The following USP24 variants were observed in gnomAD, a reference collection of about 807,000 sequenced individuals.
USP24 encodes ubiquitin specific peptidase 24, also known as ubiquitin carboxyl-terminal hydrolase 24.
USP24 carries 97 observed loss-of-function variants against 361.6 expected under a neutral mutation model. The ratio of observed to expected loss-of-function variants is 0.27; its 90% CI spans 0.23 to 0.32. USP24 has a LOEUF of 0.32. Among genes scored for constraint, USP24 ranks in the 10% least tolerant of loss-of-function variants. USP24 has a pLI of 1.00. For missense variants in USP24, 2,353 were observed against 3,165.6 expected (o/e 0.74, Z 6.16); for synonymous variants, 1,098 against 1,124.6 (o/e 0.98, Z 0.47).
intron 62 of USP24, among the ~76,000 whole-genome samples, chr1:55,075,734 A>C (rs1645016973): frequency 6.6e-6 from 1 of 152,158 alleles, no homozygotes; most frequent in Non-Finnish European, 1.5e-5. Context: ...TGCAAGGCCA[A>C]GGCAGGAGGA....
chr1:55,202,596 A>T (rs2454216), intron 1 of USP24, among the ~76,000 whole-genome samples: 1 of 152,138 alleles, frequency 6.6e-6, no homozygotes. Flanking sequence ...GTAGAGACGG[A>T]GTTTCACCCT....
At chr1:55,139,590 CT>C (rs1344418821) in intron 24 of USP24, among the ~76,000 whole-genome samples, 2 of 152,162 alleles carry the variant, frequency 1.3e-5, no homozygotes, top group East Asian at 3.8e-4. Flanking sequence ...TAGCCCCATA[CT>C]TTACTAAAAA....
chr1:55,156,366 C>T (rs1050388247), intron 12 of USP24, among the ~76,000 whole-genome samples: 5 of 150,542 alleles, frequency 3.3e-5, no homozygotes, highest in African/African-American at 1.2e-4. Flanking sequence ...GAGAAAAGGG[C>T]TAAGAACTAA....
rs942767026 is a variant in USP24 at position 55,094,040 on chromosome 1, G to A, written c.6251C>T (p.Pro2084Leu). Reference protein sequence around the residue: ...PEISPQSSPRPHRPNNDRLSI... With the variant: ...PEISPQSSPRLHRPNNDRLSI... ...CAGCCGGTCATTGTTCGGCCTATGGGGCCGAGGGGATGACTGAGGTGAAAT... is the reference window on the plus strand; with the variant it reads ...CAGCCGGTCATTGTTCGGCCTATGGAGCCGAGGGGATGACTGAGGTGAAAT... Residue 2084 changes from proline to leucine, a missense_variant, in exon 52 of 68, where the codon CCC becomes CTC. Coordinates refer to ENST00000294383, the MANE Select transcript of USP24 (RefSeq NM_015306.3). The A allele has an allele frequency of 6.2e-7, 1 of 1,613,764 alleles. No individual in the cohort carries two copies. The highest frequency in any genetic ancestry group is 1.7e-5 in the Admixed American group (1 of 59,998).
rs956065590 is a variant in USP24 at position 55,066,480 on chromosome 1, G to C, written c.*2565C>G. On this transcript the variant is annotated 3_prime_UTR_variant, in exon 68 of 68. Coordinates refer to ENST00000294383, the MANE Select transcript of USP24 (RefSeq NM_015306.3). ...CTTCCTTTTGAAATTTTATAAACAA[G>C]ATTTTATACACAAGAGGTAGCAGAG... 1 of 152,142 alleles carries C rather than the reference G, an allele frequency of 6.6e-6. No individual in the cohort carries two copies. Among genetic ancestry groups the C allele is most frequent in the Non-Finnish European group, 1.5e-5 (1 of 68,040 alleles). 9.4% of individuals were successfully genotyped at this position (152,142 alleles called of 1,614,324 possible).
intron 31 of USP24, among the ~76,000 whole-genome samples, chr1:55,130,873 CT>C (rs1646571966): frequency 6.6e-6 from 1 of 152,016 alleles, no homozygotes; most frequent in African/African-American, 2.4e-5. Context: ...AAAATAAAAG[CT>C]TTTGGGAGTG....
chr1:55,101,471 G>T (rs1050677454), intron 43 of USP24, 113 bp downstream of exon 43: 5 of 1,420,496 alleles, frequency 3.5e-6, no homozygotes, highest in South Asian at 1.3e-5. Flanking sequence ...CTAAAGAATT[G>T]CAAGTTATGT....
rs769807862 is a variant in USP24, at chr1:55,162,184, A to T, written c.993+15T>A. 1.3e-6 allele frequency: 2 copies of T among 1,579,834 alleles called. No individual in the cohort carries two copies. Among genetic ancestry groups the T allele is most frequent in the South Asian group, 2.4e-5 (2 of 83,032 alleles). ...CTTCAATCATATGAAGTAATGTGAA[A>T]TGGTTTAATCCTACCTGTACCACGG... On this transcript the variant is annotated intron_variant, in intron 8 of 67. Coordinates refer to ENST00000294383, the MANE Select transcript of USP24 (RefSeq NM_015306.3).
chr1:55,191,420 T>C (rs1035221900), intron 1 of USP24, among the ~76,000 whole-genome samples: 2 of 152,134 alleles, frequency 1.3e-5, no homozygotes, highest in African/African-American at 4.8e-5. Context: ...GTTATGATTA[T>C]GACTTCATCT....
At chr1:55,168,197 T>C (rs1649077873) in intron 5 of USP24, among the ~76,000 whole-genome samples, 1 of 152,060 alleles carries the variant, frequency 6.6e-6, no homozygotes, top group Non-Finnish European at 1.5e-5. Context: ...TCAGTGCTGT[T>C]GATGGGGGTC....
At chr1:55,071,202 A>AGAG (rs1198093144) in intron 67 of USP24, 1 of 986,956 alleles carries the variant, frequency 1.0e-6, no homozygotes, top group Non-Finnish European at 1.2e-6. Context: ...AAGGGACCAC[A>AGAG]GAGGAGACTG....
chr1:55,166,808 T>C (rs996402682), intron 5 of USP24, among the ~76,000 whole-genome samples: 3 of 152,210 alleles, frequency 2.0e-5, no homozygotes, highest in Non-Finnish European at 4.4e-5. Flanking sequence ...TGTATTTTGA[T>C]GGAACTGCCA....
At position 55,129,121 on chromosome 1, in the gene USP24, T is replaced by A. The variant is rs1570482764; in HGVS notation, c.3635+356A>T. Among the ~76,000 whole-genome samples the A allele has an allele frequency of 3.9e-5, 6 of 152,274 alleles. No homozygotes were observed. In the South Asian group the frequency reaches 1.2e-3, roughly 32 times the overall value. ...AGATAATATCTAATTTATCTTTGCATCCCCAGCACTAATACCTTGCACAAT... is the reference window on the plus strand; with the variant it reads ...AGATAATATCTAATTTATCTTTGCAACCCCAGCACTAATACCTTGCACAAT... On this transcript the variant is annotated intron_variant, in intron 32 of 67. Coordinates refer to ENST00000294383, the MANE Select transcript of USP24 (RefSeq NM_015306.3).
At chr1:55,193,461 T>C (rs973149616) in intron 1 of USP24, among the ~76,000 whole-genome samples, 1 of 152,186 alleles carries the variant, frequency 6.6e-6, no homozygotes, top group African/African-American at 2.4e-5. Flanking sequence ...GTAACCTTCA[T>C]TTAATATTTA....
chr1:55,096,820 T>C, intron 49 of USP24, 132 bp downstream of exon 49: 1 of 1,366,882 alleles, frequency 7.3e-7, no homozygotes, highest in African/African-American at 1.5e-5. Context: ...TGCACGAAGC[T>C]TTAAAACTTC....
intron 65 of USP24, 90 bp downstream of exon 65, chr1:55,072,696 T>A: frequency 1.6e-6 from 2 of 1,239,956 alleles, no homozygotes; most frequent in Non-Finnish European, 1.1e-6. Context: ...TTAAGGTCAG[T>A]CTCCATATTC....
Position 55,138,597 on chromosome 1 carries a change from T to A in USP24, c.2928+11A>T, listed in dbSNP as rs778990932. 9 of 1,588,024 alleles carry A rather than the reference T, an allele frequency of 5.7e-6. No individual in the cohort carries two copies. In the African/African-American group the frequency reaches 1.2e-4, roughly 21 times the overall value. On this transcript the variant is annotated intron_variant, in intron 26 of 67. Coordinates refer to ENST00000294383, the MANE Select transcript of USP24 (RefSeq NM_015306.3). ...ACATGAAAATGGCTGTAGTTCTTAATGTAAACCTACCTCGACAGTGAAGGT... is the reference window on the plus strand; with the variant it reads ...ACATGAAAATGGCTGTAGTTCTTAAAGTAAACCTACCTCGACAGTGAAGGT...
intron 32 of USP24, among the ~76,000 whole-genome samples, 195 bp downstream of exon 32, chr1:55,129,282 G>A (rs375105442): frequency 6.6e-6 from 1 of 152,038 alleles, no homozygotes; most frequent in East Asian, 1.9e-4. Context: ...GCTTCCATAC[G>A]TTTTTCAAAT....
chr1:55,090,079 T>G (rs1645342063), intron 54 of USP24, among the ~76,000 whole-genome samples: 1 of 152,206 alleles, frequency 6.6e-6, no homozygotes, highest in African/African-American at 2.4e-5. Flanking sequence ...ACTATAGCAT[T>G]TTTTTCATTA....
Sources: gnomAD v4.1 joint callset for allele counts (sites outside exome capture counted in the v4.1 genomes callset) on GRCh38, gnomAD v4.1.1 for gene constraint, MANE v1.5 for transcripts, NCBI Gene and HGNC (gene_info 2026-07-23, HGNC 2026-07-21) for gene names.